The following PIP5K1B variants were observed in gnomAD, a reference collection of about 807,000 sequenced individuals.
PIP5K1B encodes the protein phosphatidylinositol-4-phosphate 5-kinase type 1 beta.
A neutral mutation model predicts 67.0 loss-of-function variants in PIP5K1B; 42 were observed. The ratio of observed to expected loss-of-function variants is 0.63; its 90% CI spans 0.49 to 0.81. The LOEUF (loss-of-function observed/expected upper bound fraction) is 0.81. PIP5K1B is among the 30% of genes least tolerant of loss of function. The probability of loss-of-function intolerance (pLI) is 0.00; values close to 1 mark genes in which losing one functional copy is unlikely to be tolerated. For synonymous variants in PIP5K1B, 214 were observed against 231.4 expected (o/e 0.92, Z 0.68); for missense variants, 459 against 646.3 (o/e 0.71, Z 3.14).
intron 14 of PIP5K1B, among the ~76,000 whole-genome samples, chr9:68,970,060 T>C (rs1284567533): frequency 6.6e-6 from 1 of 152,150 alleles, no homozygotes; most frequent in African/African-American, 2.4e-5. Context: ...CCAGGGTGCA[T>C]AGAAGTGACA....
At chr9:68,955,817 T>A (rs1199286516) in intron 14 of PIP5K1B, among the ~76,000 whole-genome samples, 1 of 152,252 alleles carries the variant, frequency 6.6e-6, no homozygotes, top group Non-Finnish European at 1.5e-5. Flanking sequence ...CTACCATTAA[T>A]TCATGCACAT....
At chr9:68,994,403 T>C (rs990179842) in intron 15 of PIP5K1B, among the ~76,000 whole-genome samples, 3 of 152,212 alleles carry the variant, frequency 2.0e-5, no homozygotes, top group African/African-American at 4.8e-5. Context: ...ATAATGTTTT[T>C]ATGAATATTA....
chr9:68,792,794 A>G (rs1564140070), intron 2 of PIP5K1B, among the ~76,000 whole-genome samples: 1 of 152,144 alleles, frequency 6.6e-6, no homozygotes, highest in Non-Finnish European at 1.5e-5. Context: ...GTTTTTTAAG[A>G]AAAAGGAATG....
chr9:68,935,077 A>G (rs1554741313), intron 13 of PIP5K1B, 32 bp downstream of exon 13: 7 of 1,583,878 alleles, frequency 4.4e-6, no homozygotes, highest in Non-Finnish European at 6.0e-6. Flanking sequence ...AAAAAGACAA[A>G]CGTTCTTGTG....
chr9:68,722,307 C>T (rs1280706976), intron 1 of PIP5K1B, among the ~76,000 whole-genome samples: 6 of 152,064 alleles, frequency 3.9e-5, no homozygotes, highest in Non-Finnish European at 7.4e-5. Context: ...CGGGTTCAAG[C>T]GATTTTCTGG....
chr9:68,899,153 G>T (rs1490020762), intron 8 of PIP5K1B, among the ~76,000 whole-genome samples: 1 of 151,990 alleles, frequency 6.6e-6, no homozygotes, highest in Non-Finnish European at 1.5e-5. Flanking sequence ...AAAGGTTTTG[G>T]TTTTTTTATG....
At chr9:68,725,621 T>G (rs1173440904) in intron 1 of PIP5K1B, among the ~76,000 whole-genome samples, 1 of 152,176 alleles carries the variant, frequency 6.6e-6, no homozygotes, top group Non-Finnish European at 1.5e-5. Flanking sequence ...TGCTAAAGTC[T>G]GATTAGAGTT....
chr9:68,789,358 T>G, intron 2 of PIP5K1B: 1 of 388,008 alleles, frequency 2.6e-6, no homozygotes, highest in South Asian at 2.2e-5. Flanking sequence ...CACAATCACA[T>G]TGTCCTTCAT....
intron 8 of PIP5K1B, among the ~76,000 whole-genome samples, chr9:68,903,251 A>G (rs183167036): frequency 2.3e-3 from 347 of 152,354 alleles, no homozygotes; most frequent in Non-Finnish European, 4.0e-3. Context: ...AGCCTAGGAA[A>G]TAGCAACAGC....
intron 14 of PIP5K1B, among the ~76,000 whole-genome samples, chr9:68,947,571 T>A (rs1281208640): frequency 6.6e-6 from 1 of 152,142 alleles, no homozygotes; most frequent in Non-Finnish European, 1.5e-5. Flanking sequence ...AAAAGCTAGA[T>A]AGACACAGGA....
At chr9:68,719,650 A>G (rs1365921262) in intron 1 of PIP5K1B, among the ~76,000 whole-genome samples, 3 of 152,176 alleles carry the variant, frequency 2.0e-5, no homozygotes, top group African/African-American at 7.2e-5. Context: ...CAAATGGGAA[A>G]TCAGTCTCTC....
intron 2 of PIP5K1B, among the ~76,000 whole-genome samples, chr9:68,817,904 TAAGC>T (rs1833535732): frequency 6.6e-6 from 1 of 152,116 alleles, no homozygotes; most frequent in Non-Finnish European, 1.5e-5. Flanking sequence ...TTGATTACAA[TAAGC>T]AAGTATCTCT....
intron 15 of PIP5K1B, among the ~76,000 whole-genome samples, chr9:68,997,991 G>C (rs533303174): frequency 6.6e-6 from 1 of 151,410 alleles, no homozygotes; most frequent in Non-Finnish European, 1.5e-5. Context: ...TTTTCTGTTA[G>C]GTCCTAGCTT....
intron 2 of PIP5K1B, among the ~76,000 whole-genome samples, chr9:68,747,092 A>C (rs904330326): frequency 6.6e-6 from 1 of 150,884 alleles, no homozygotes; most frequent in Non-Finnish European, 1.5e-5. Flanking sequence ...TTCCCTGCCT[A>C]CTCCATAGAC....
intron 2 of PIP5K1B, among the ~76,000 whole-genome samples, chr9:68,810,221 A>T (rs1352814154): frequency 6.6e-6 from 1 of 152,222 alleles, no homozygotes; most frequent in Non-Finnish European, 1.5e-5. Context: ...GGCAAGTTGC[A>T]CTCATAATGA....
At chr9:68,834,953 T>A (rs1220331056) in intron 4 of PIP5K1B, among the ~76,000 whole-genome samples, 1 of 152,190 alleles carries the variant, frequency 6.6e-6, no homozygotes, top group Non-Finnish European at 1.5e-5. Context: ...TCCAACACTG[T>A]CACTTAAAGG....
chr9:68,795,673 A>C (rs1250940047), intron 2 of PIP5K1B, among the ~76,000 whole-genome samples: 1 of 152,326 alleles, frequency 6.6e-6, no homozygotes, highest in East Asian at 1.9e-4. Flanking sequence ...CTTCCAGACT[A>C]AAACTCTTTC....
intron 6 of PIP5K1B, among the ~76,000 whole-genome samples, chr9:68,878,430 C>T (rs138642567): frequency 3.3e-4 from 50 of 152,160 alleles, no homozygotes; most frequent in African/African-American, 1.2e-3. Context: ...ACAGCCTCCC[C>T]AAGTTTCCTA....
intron 2 of PIP5K1B, among the ~76,000 whole-genome samples, chr9:68,759,221 A>G (rs1830077697): frequency 6.6e-6 from 1 of 152,166 alleles, no homozygotes. Flanking sequence ...AGTTCTCTAA[A>G]ATATGCATAA....
Sources: gnomAD v4.1 joint callset for allele counts (sites outside exome capture counted in the v4.1 genomes callset) on GRCh38, gnomAD v4.1.1 for gene constraint, MANE v1.5 for transcripts, NCBI Gene and HGNC (gene_info 2026-07-23, HGNC 2026-07-21) for gene names.